The following ARRB1 variants were observed in gnomAD, a reference collection of about 807,000 sequenced individuals.
ARRB1 encodes the protein beta-arrestin-1.
In ARRB1, 21 loss-of-function variants were observed where a neutral mutation model predicts 56.8. The ratio of observed to expected loss-of-function variants is 0.37; its 90% CI spans 0.26 to 0.53. ARRB1 has a LOEUF of 0.53. ARRB1 is among the 20% of genes least tolerant of loss of function. The pLI is 0.88. For synonymous variants in ARRB1, 210 were observed against 218.6 expected, an observed-to-expected ratio of 0.96 and a Z score of 0.35; for missense variants, 424 against 553.7, an observed-to-expected ratio of 0.77 and a Z score of 2.35.
chr11:75,336,344 C>T (rs775851545), intron 1 of ARRB1, among the ~76,000 whole-genome samples: 6 of 152,050 alleles, frequency 3.9e-5, no homozygotes, highest in Non-Finnish European at 7.4e-5. Flanking sequence ...GATGTCCTCC[C>T]CACACCCTGC....
At chr11:75,274,246 T>G (rs201795158) in intron 10 of ARRB1, 35 bp from the exon 11 acceptor site, 1 of 1,610,076 alleles carries the variant, frequency 6.2e-7, no homozygotes, top group Admixed American at 1.7e-5. Context: ...GAGATGGCCC[T>G]CCCCAGAGCC....
chr11:75,314,162 G>T (rs1205033127), intron 1 of ARRB1, among the ~76,000 whole-genome samples: 1 of 152,182 alleles, frequency 6.6e-6, no homozygotes, highest in East Asian at 1.9e-4. Flanking sequence ...ACCAGCCTGG[G>T]GCCCCACTAA....
intron 2 of ARRB1, among the ~76,000 whole-genome samples, chr11:75,288,818 C>A (rs935454453): frequency 2.0e-5 from 3 of 151,934 alleles, no homozygotes; most frequent in African/African-American, 7.3e-5. Context: ...GTTTCAAACT[C>A]CTGACCTCAA....
At position 75,265,728 on chromosome 11, in the gene ARRB1, AGCTGC is replaced by A; in HGVS notation, c.*430_*434del. 5.6e-6 allele frequency: 1 copy of A among 179,586 alleles called. No individual in the cohort carries two copies. The highest frequency in any genetic ancestry group is 5.8e-5 in the Admixed American group (1 of 17,382). The allele number at this position is 179,586 out of a possible 1,614,324, so 11.1% of individuals were successfully genotyped here. On this transcript the variant is annotated 3_prime_UTR_variant, in exon 16 of 16. Transcript: ENST00000420843. ...GTGGCCTTCAACGCGGTCATCTTTT[AGCTGC>A]CAGAACTTTGTTAACCACCTGGGAC...
chr11:75,331,758 G>A (rs1947524064), intron 1 of ARRB1, among the ~76,000 whole-genome samples: 1 of 151,736 alleles, frequency 6.6e-6, no homozygotes, highest in Non-Finnish European at 1.5e-5. Context: ...CTCACACAAA[G>A]CCTGTTTGGT....
chr11:75,350,284 T>A (rs1472562465), intron 1 of ARRB1, among the ~76,000 whole-genome samples: 1 of 151,024 alleles, frequency 6.6e-6, no homozygotes, highest in Admixed American at 6.6e-5. Context: ...AGGGGAGGAG[T>A]GGGCCTTGCG....
intron 10 of ARRB1, among the ~76,000 whole-genome samples, chr11:75,275,637 A>AGAGAGC (rs1161318561): frequency 6.6e-6 from 1 of 152,178 alleles, no homozygotes; most frequent in African/African-American, 2.4e-5. Context: ...CTTTCCAATG[A>AGAGAGC]GAGAGCTGTC....
chr11:75,265,991 T>A lies in ARRB1; in HGVS notation c.*172A>T, dbSNP rs1945897753. ...CTGTGGTCCTGTTGGCGTGGTGATG[T>A]GGGGCCAATCCTGAGGCCAGAGGTT... is the stretch of plus-strand genomic sequence containing the variant. On this transcript the variant is annotated 3_prime_UTR_variant, in exon 16 of 16. Coordinates refer to ENST00000420843, the MANE Select transcript of ARRB1 (RefSeq NM_004041.5). 3.3e-6 allele frequency: 2 copies of A among 612,548 alleles called. No homozygotes were observed. Among genetic ancestry groups the A allele is most frequent in the Non-Finnish European group, 5.9e-6 (2 of 341,824 alleles). 37.9% of individuals were successfully genotyped at this position (612,548 alleles called of 1,614,324 possible). A position where few individuals can be genotyped will look rare whatever the true frequency, so the allele number is the denominator to read the frequency against.
In ARRB1 at chr11:75,267,721, G is replaced by A. The variant is rs1314520099; in HGVS notation, c.1094-18C>T. On this transcript the variant is annotated intron_variant, in intron 14 of 15. Transcript: ENST00000420843. The stretch of plus-strand genomic sequence containing the variant: ...CTCTGGAACTAAACACAGGGTGGGT[G>A]GGCAGGGTGTCCAGGGATTAGTGAG... The A allele has an allele frequency of 1.3e-6, 2 of 1,556,248 alleles. No individual in the cohort carries two copies. The highest frequency in any genetic ancestry group is 1.8e-6 in the Non-Finnish European group (2 of 1,132,160).
At chr11:75,335,392 C>T (rs1333510588) in intron 1 of ARRB1, among the ~76,000 whole-genome samples, 1 of 152,132 alleles carries the variant, frequency 6.6e-6, no homozygotes, top group African/African-American at 2.4e-5. Flanking sequence ...CAAGACCAGC[C>T]TGGGCAATGT....
In ARRB1 at chr11:75,265,701, A is replaced by AGATCTC; in HGVS notation, c.*461_*462insGAGATC. ...AGTTCTGCCCCTCCCAGCCAGAAGG[A>AGATCTC]GGTGGCCTTCAACGCGGTCATCTTT... On this transcript the variant is annotated 3_prime_UTR_variant, in exon 16 of 16. Coordinates refer to ENST00000420843, the MANE Select transcript of ARRB1 (RefSeq NM_004041.5). 1.7e-5 allele frequency: 3 copies of AGATCTC among 178,100 alleles called. No individual in the cohort carries two copies. Among genetic ancestry groups the AGATCTC allele is most frequent in the Admixed American group, 1.1e-4 (2 of 17,576 alleles). 11.0% of individuals were successfully genotyped at this position (178,100 alleles called of 1,614,324 possible). A position where few individuals can be genotyped will look rare whatever the true frequency, so the allele number is the denominator to read the frequency against.
intron 13 of ARRB1, chr11:75,269,273 T>C (rs1359803323): frequency 1.8e-5 from 10 of 548,912 alleles, no homozygotes; most frequent in South Asian, 1.6e-4. Flanking sequence ...CCGTGGTCAC[T>C]GCGGGGCTCC....
chr11:75,290,739 C>A (rs1946592225), intron 1 of ARRB1, among the ~76,000 whole-genome samples: 2 of 152,184 alleles, frequency 1.3e-5, no homozygotes, highest in South Asian at 4.2e-4. Flanking sequence ...ACGCCACCAC[C>A]CTGGGCTAAT....
chr11:75,295,248 A>C (rs2510658), intron 1 of ARRB1, among the ~76,000 whole-genome samples: 127,857 of 141,558 alleles, frequency 0.9, 57,975 homozygotes, highest in African/African-American at 0.96. Context: ...AAAAAAAAAC[A>C]CACACACCCA....
Position 75,262,972 on chromosome 11 carries a change from G to C in ARRB1, c.*3191C>G, listed in dbSNP as rs1382336317. Among the ~76,000 whole-genome samples, 8 of 152,202 alleles carry C rather than the reference G, an allele frequency of 5.3e-5. 1 individual carries two copies. On this transcript the variant is annotated 3_prime_UTR_variant, in exon 16 of 16. Coordinates refer to ENST00000420843, the MANE Select transcript of ARRB1 (RefSeq NM_004041.5). ...CTTCCCCTGGGTGGAATGCTGAGGAGGTCCCGCTGGCTCTCTGCTCGGTGG... is the reference window on the plus strand; with the variant it reads ...CTTCCCCTGGGTGGAATGCTGAGGACGTCCCGCTGGCTCTCTGCTCGGTGG...
intron 7 of ARRB1, 83 bp from the exon 8 acceptor site, chr11:75,278,827 G>C: frequency 6.6e-7 from 1 of 1,514,260 alleles, no homozygotes; most frequent in South Asian, 1.3e-5. Context: ...TCATTCTCCT[G>C]CTCAAGAGAC....
intron 1 of ARRB1, among the ~76,000 whole-genome samples, chr11:75,304,090 C>G (rs1472398995): frequency 6.6e-6 from 1 of 151,988 alleles, no homozygotes; most frequent in East Asian, 1.9e-4. Flanking sequence ...CTATAGGGCA[C>G]TCCTGACACA....
At chr11:75,330,550 C>T (rs1276090679) in intron 1 of ARRB1, among the ~76,000 whole-genome samples, 1 of 152,230 alleles carries the variant, frequency 6.6e-6, no homozygotes, top group Non-Finnish European at 1.5e-5. Flanking sequence ...GGGTAATAAA[C>T]TCTGCCGAAG....
intron 1 of ARRB1, among the ~76,000 whole-genome samples, chr11:75,305,047 A>G (rs1316687922): frequency 8.1e-6 from 1 of 123,622 alleles, no homozygotes. Flanking sequence ...TTTTGAGACA[A>G]GAGTCTTGCT....
Sources: gnomAD v4.1 joint callset for allele counts (sites outside exome capture counted in the v4.1 genomes callset) on GRCh38, gnomAD v4.1.1 for gene constraint, MANE v1.5 for transcripts, NCBI Gene and HGNC (gene_info 2026-07-23, HGNC 2026-07-21) for gene names.